Variants in PDE3A observed in about 807,000 individuals in gnomAD.
PDE3A encodes the protein cGMP-inhibited 3',5'-cyclic phosphodiesterase 3A.
Under a neutral mutation model 98.3 loss-of-function variants are expected in PDE3A, and 43 were observed. The observed-to-expected ratio is 0.44, with a 90% CI of 0.34 to 0.56. The LOEUF (loss-of-function observed/expected upper bound fraction) is 0.56, where lower values mean the gene tolerates loss of function less well. Among genes scored for constraint, PDE3A ranks in the 20% least tolerant of loss-of-function variants. The pLI is 0.01. For synonymous variants in PDE3A, 663 were observed against 567.9 expected (o/e 1.17, Z -2.38); for missense variants, 1,427 against 1,440.7 (o/e 0.99, Z 0.15).
intron 1 of PDE3A, among the ~76,000 whole-genome samples, chr12:20,453,855 A>G (rs1162844949): frequency 1.3e-5 from 2 of 152,158 alleles, no homozygotes; most frequent in Non-Finnish European, 2.9e-5. Context: ...CTATCTACAC[A>G]GTTACCATCA....
At chr12:20,554,457 T>C (rs1019444925) in intron 1 of PDE3A, among the ~76,000 whole-genome samples, 3 of 151,794 alleles carry the variant, frequency 2.0e-5, no homozygotes, top group African/African-American at 7.2e-5. Context: ...GATTTTATTC[T>C]ATTTTATATT....
At chr12:20,445,744 G>A (rs1273887047) in intron 1 of PDE3A, among the ~76,000 whole-genome samples, 1 of 152,052 alleles carries the variant, frequency 6.6e-6, no homozygotes, top group Non-Finnish European at 1.5e-5. Flanking sequence ...GATAATCTTT[G>A]CATACTCAGT....
At position 20,501,059 on chromosome 12, in the gene PDE3A, C is replaced by A. The variant is rs185010336; in HGVS notation, c.961-55601C>A. On this transcript the variant is annotated intron_variant, in intron 1 of 15. Coordinates refer to ENST00000359062, the MANE Select transcript of PDE3A (RefSeq NM_000921.5). ...CTAGAATTATAGGCATGAGCCCCGGCAGCTGGCCAAGGCTTTTATTCTTTC... is the reference window on the plus strand; with the variant it reads ...CTAGAATTATAGGCATGAGCCCCGGAAGCTGGCCAAGGCTTTTATTCTTTC... Among the ~76,000 whole-genome samples the A allele has an allele frequency of 2.2e-4, 34 of 152,284 alleles. No homozygotes were observed. The East Asian group carries it at 2.3e-3, about 10-fold the overall frequency.
chr12:20,593,547 G>GAA (rs11346487), intron 2 of PDE3A, among the ~76,000 whole-genome samples: 1 of 146,712 alleles, frequency 6.8e-6, no homozygotes, highest in African/African-American at 2.5e-5. Context: ...GCTTTTTAAG[G>GAA]AAAAAAAAAA....
intron 2 of PDE3A, among the ~76,000 whole-genome samples, chr12:20,577,207 G>A (rs937323424): frequency 6.6e-6 from 1 of 152,074 alleles, no homozygotes; most frequent in South Asian, 2.1e-4. Flanking sequence ...ATGAATAGGT[G>A]TGAAACAGTG....
rs534475483 is a variant in PDE3A, at chr12:20,396,786, T to C, written c.960+26542T>C. ...CTAAGGGTTAGTTTGCCACAGTTCA[T>C]TGAACTGTCTCTTAGACTAGATTTT... is the stretch of plus-strand genomic sequence containing the variant. On this transcript the variant is annotated intron_variant, in intron 1 of 15. Coordinates refer to ENST00000359062, the MANE Select transcript of PDE3A (RefSeq NM_000921.5). Among the ~76,000 whole-genome samples the C allele has an allele frequency of 3.3e-5, 5 of 152,158 alleles. No individual in the cohort carries two copies. In the South Asian group the frequency reaches 8.3e-4, roughly 25 times the overall value.
In PDE3A at chr12:20,613,565, C is replaced by T; in HGVS notation, c.1134C>T (p.Ser378=). The T allele has an allele frequency of 1.2e-6, 2 of 1,614,166 alleles. No homozygotes were observed. Among genetic ancestry groups the T allele is most frequent in the Non-Finnish European group, 1.7e-6 (2 of 1,180,010 alleles). Residue 378 remains serine, a synonymous_variant, in exon 3 of 16, where the codon AGC becomes AGT. Coordinates refer to ENST00000359062, the MANE Select transcript of PDE3A (RefSeq NM_000921.5). The stretch of plus-strand genomic sequence containing the variant: ...TGTGCACATCCTTGAGAGCCGTGAG[C>T]AACTTGCTCAGCACACAGCTCACCT... ...PNVCTSLRAV[S]NLLSTQLTFQ...
At chr12:20,418,843 G>A (rs1944465853) in intron 1 of PDE3A, among the ~76,000 whole-genome samples, 1 of 151,902 alleles carries the variant, frequency 6.6e-6, no homozygotes, top group East Asian at 1.9e-4. Context: ...TAAATTAACA[G>A]TATGTTATAA....
chr12:20,386,170 T>C (rs1565532685), intron 1 of PDE3A, among the ~76,000 whole-genome samples: 1 of 91,464 alleles, frequency 1.1e-5, no homozygotes, highest in East Asian at 2.8e-4. Context: ...TATAAATATA[T>C]AAAAATATAT....
intron 2 of PDE3A, among the ~76,000 whole-genome samples, chr12:20,558,933 A>G (rs1942441409): frequency 6.6e-6 from 1 of 152,102 alleles, no homozygotes; most frequent in Non-Finnish European, 1.5e-5. Context: ...TGTTTACAGC[A>G]CTGTGGTGGG....
intron 2 of PDE3A, among the ~76,000 whole-genome samples, chr12:20,567,193 G>T (rs570224471): frequency 1.8e-4 from 27 of 152,022 alleles, no homozygotes; most frequent in African/African-American, 6.3e-4. Flanking sequence ...TAAAATAAAT[G>T]AAAACATTAT....
At chr12:20,412,178 T>C (rs1165784328) in intron 1 of PDE3A, among the ~76,000 whole-genome samples, 3 of 152,164 alleles carry the variant, frequency 2.0e-5, no homozygotes, top group Non-Finnish European at 2.9e-5. Flanking sequence ...GATTTCAGTT[T>C]CTTGAAAATT....
chr12:20,523,831 G>A (rs569477873), intron 1 of PDE3A, among the ~76,000 whole-genome samples: 72 of 152,266 alleles, frequency 4.7e-4, no homozygotes, highest in Non-Finnish European at 6.9e-4. Flanking sequence ...GATTCACTTC[G>A]TAGAAAAGTT....
At chr12:20,598,357 T>C (rs1242533243) in intron 2 of PDE3A, among the ~76,000 whole-genome samples, 1 of 152,048 alleles carries the variant, frequency 6.6e-6, no homozygotes, top group Non-Finnish European at 1.5e-5. Context: ...TAATTTTTTG[T>C]ATTTTTAGTA....
At chr12:20,590,067 AC>A (rs1943298820) in intron 2 of PDE3A, among the ~76,000 whole-genome samples, 1 of 151,988 alleles carries the variant, frequency 6.6e-6, no homozygotes, top group Non-Finnish European at 1.5e-5. Context: ...TGAGTGATGG[AC>A]AAACCTAGAA....
intron 1 of PDE3A, among the ~76,000 whole-genome samples, chr12:20,444,947 G>A (rs1944930054): frequency 1.3e-5 from 2 of 152,160 alleles, no homozygotes; most frequent in South Asian, 4.1e-4. Context: ...CTCTAGGTTG[G>A]AGCCTACGCG....
rs1565535732 is a variant in PDE3A at position 20,395,564 on chromosome 12, AT to A, written c.960+25321del. On this transcript the variant is annotated intron_variant, in intron 1 of 15. Transcript: ENST00000359062. Reference sequence around the variant, plus strand: ...TGTATACTATGTGTACACATAGTATATATATACATAGTATTATATATGTATA... The same window carrying A: ...TGTATACTATGTGTACACATAGTATAATATACATAGTATTATATATGTATA... Among the ~76,000 whole-genome samples the A allele has an allele frequency of 8.0e-3, 968 of 120,782 alleles. 9 individuals carry two copies. The highest frequency in any genetic ancestry group is 0.029 in the African/African-American group (923 of 31,404). The allele number at this position is 120,782 out of a possible 152,430, so 79.2% of individuals were successfully genotyped here. A position where few individuals can be genotyped will look rare whatever the true frequency, so the allele number is the denominator to read the frequency against.
chr12:20,411,022 A>G (rs921863155), intron 1 of PDE3A, among the ~76,000 whole-genome samples: 3 of 152,202 alleles, frequency 2.0e-5, no homozygotes, highest in Admixed American at 2.0e-4. Context: ...CTTTGTTTTC[A>G]TAGCAGCACC....
At chr12:20,631,424 C>T (rs570996538) in intron 6 of PDE3A, among the ~76,000 whole-genome samples, 18 of 152,264 alleles carry the variant, frequency 1.2e-4, no homozygotes, top group African/African-American at 2.9e-4. Context: ...TGAATTTATT[C>T]GACCACAGAA....
Sources: allele counts gnomAD v4.1 joint callset (sites outside exome capture counted in the v4.1 genomes callset), GRCh38; gene constraint gnomAD v4.1.1; transcripts MANE v1.5; gene names NCBI Gene and HGNC (gene_info 2026-07-23, HGNC 2026-07-21).